SSBP4: variants seen among roughly 807,000 people sequenced by gnomAD.
The protein encoded by SSBP4 is single stranded DNA binding protein 4.
In SSBP4, 33 loss-of-function variants were observed where a neutral mutation model predicts 64.6. The observed-to-expected ratio is 0.51, with a 90% CI of 0.39 to 0.68. The LOEUF is 0.68. SSBP4 is among the 30% of genes least tolerant of loss of function. The probability of loss-of-function intolerance (pLI) is 0.00; values close to 1 mark genes in which losing one functional copy is unlikely to be tolerated. For missense variants in SSBP4, 583 were observed against 566.8 expected (o/e 1.03, Z -0.29); for synonymous variants, 243 against 224.0 (o/e 1.08, Z -0.76).
intron 4 of SSBP4, among the ~76,000 whole-genome samples, chr19:18,428,834 C>T (rs1296705896): frequency 6.6e-6 from 1 of 152,222 alleles, no homozygotes; most frequent in African/African-American, 2.4e-5. Context: ...TGCTGTTCAC[C>T]CCCATGGTGT....
the SSBP4 span, among the ~76,000 whole-genome samples, chr19:18,407,399 TATAGTA>T: frequency 3.3e-5 from 5 of 152,022 alleles, no homozygotes; most frequent in Non-Finnish European, 5.9e-5. Flanking sequence ...CCTTGTTAGT[TATAGTA>T]ATGTTTTTTT....
chr19:18,419,110 G>T (rs2144662191), upstream of SSBP4: 1 of 985,644 alleles, frequency 1.0e-6, no homozygotes. Flanking sequence ...AATGTGTGTG[G>T]CTGGGTGTAC....
rs1469850824 is a variant in SSBP4 at position 18,423,724 on chromosome 19, A to G, written c.60-3627A>G. ...TGCTCGCTCCAGGTCCAGGCGCCCCATGTCCTCCGAGTCTTGTGTTCCTTC... is the reference window on the plus strand; with the variant it reads ...TGCTCGCTCCAGGTCCAGGCGCCCCGTGTCCTCCGAGTCTTGTGTTCCTTC... On this transcript the variant is annotated intron_variant, in intron 1 of 17. Coordinates refer to ENST00000270061, the MANE Select transcript of SSBP4 (RefSeq NM_032627.5). This position sits in a 1 kb window ranked among gnomAD's most constrained non-coding sequence, Gnocchi z 4.0. Among the ~76,000 whole-genome samples, 1 of 152,032 alleles carries G rather than the reference A, an allele frequency of 6.6e-6. No homozygotes were observed. Among genetic ancestry groups the G allele is most frequent in the Non-Finnish European group, 1.5e-5 (1 of 67,988 alleles).
At chr19:18,433,404 T>C in intron 15 of SSBP4, 181 bp from the exon 16 acceptor site, 1 of 1,282,742 alleles carries the variant, frequency 7.8e-7, no homozygotes, top group Non-Finnish European at 1.1e-6. Flanking sequence ...GAGGATGCAC[T>C]GACCGCCCCT....
chr19:18,411,263 T>G, the SSBP4 span, among the ~76,000 whole-genome samples: 1 of 152,028 alleles, frequency 6.6e-6, no homozygotes, highest in African/African-American at 2.4e-5. Flanking sequence ...GATGCCAAAG[T>G]GGGCAGATCA....
the SSBP4 span, among the ~76,000 whole-genome samples, chr19:18,413,663 T>C: frequency 6.6e-6 from 1 of 152,180 alleles, no homozygotes; most frequent in South Asian, 2.1e-4. Context: ...GGGGAGGTCG[T>C]GGGAAATGAA....
At chr19:18,428,798 GC>G (rs1225663977) in intron 4 of SSBP4, among the ~76,000 whole-genome samples, 1 of 152,200 alleles carries the variant, frequency 6.6e-6, no homozygotes, top group Non-Finnish European at 1.5e-5. Context: ...TGAGAGCTGG[GC>G]AGGCTGAAGC....
Position 18,424,505 on chromosome 19 carries a change from C to T in SSBP4, c.60-2846C>T, listed in dbSNP as rs1044075039. Among the ~76,000 whole-genome samples, 15 of 151,682 alleles carry T rather than the reference C, an allele frequency of 9.9e-5. 1 individual carries two copies. Among genetic ancestry groups the T allele is most frequent in the African/African-American group, 3.1e-4 (13 of 41,272 alleles). ...ACTGGAGTCTCTGGGTGGAAGTGCCCCAGGCAGGGAAACAGTGCGCAGAGG... is the reference window on the plus strand; with the variant it reads ...ACTGGAGTCTCTGGGTGGAAGTGCCTCAGGCAGGGAAACAGTGCGCAGAGG... On this transcript the variant is annotated intron_variant, in intron 1 of 17. Coordinates refer to ENST00000270061, the MANE Select transcript of SSBP4 (RefSeq NM_032627.5).
rs1411044674 is a variant in SSBP4 at position 18,419,620 on chromosome 19, G to A, written c.-29G>A. 79 of 1,263,554 alleles carry A rather than the reference G, an allele frequency of 6.3e-5. No homozygotes were observed. The highest frequency in any genetic ancestry group is 7.6e-5 in the Non-Finnish European group (76 of 999,642). The allele number at this position is 1,263,554 out of a possible 1,614,324, so 78.3% of individuals were successfully genotyped here. On this transcript the variant is annotated 5_prime_UTR_variant, in exon 1 of 18. Coordinates refer to ENST00000270061, the MANE Select transcript of SSBP4 (RefSeq NM_032627.5). ...GCCCGCGGCGCCGCCTGACAGGTGT[G>A]GGCCCCGGCGGCGGCGGCGTGGAGC...
At chr19:18,421,780 T>C (rs796515694) in intron 1 of SSBP4, among the ~76,000 whole-genome samples, 14 of 152,276 alleles carry the variant, frequency 9.2e-5, no homozygotes, top group Admixed American at 8.5e-4. Context: ...AGAAGTGCGC[T>C]CTGGCTCCCA....
intron 4 of SSBP4, among the ~76,000 whole-genome samples, chr19:18,429,497 C>T (rs1973165985): frequency 6.6e-6 from 1 of 151,394 alleles, no homozygotes; most frequent in Admixed American, 6.6e-5. Context: ...GGAGCGTCCC[C>T]GACCAGGAAA....
At chr19:18,433,362 C>G (rs1272036392) in intron 15 of SSBP4, 149 bp downstream of exon 15, 3 of 1,283,436 alleles carry the variant, frequency 2.3e-6, no homozygotes, top group Non-Finnish European at 3.2e-6. Flanking sequence ...AGGGGCTGCC[C>G]CGAGCTGGAG....
rs199654239 is a variant in SSBP4 at position 18,432,987 on chromosome 19, A to G, written c.856A>G (p.Ser286Gly). 3 of 1,614,152 alleles carry G rather than the reference A, an allele frequency of 1.9e-6. No individual in the cohort carries two copies. Among genetic ancestry groups the G allele is most frequent in the Non-Finnish European group, 1.7e-6 (2 of 1,180,014 alleles). ...GTCTCCCCCAGATTCCACCAACTCC[A>G]GCGAAAACATGTACACTATCATGAA... ...MPSPGDSTNS[S>G]ENMYTIMNPI... Residue 286 changes from serine to glycine, a missense_variant, in exon 14 of 18, where the codon AGC becomes GGC. This residue lies in a region of SSBP4 where 444 missense variants were observed against 386.6 expected (regional missense o/e 1.15). Transcript: ENST00000270061.
the SSBP4 span, among the ~76,000 whole-genome samples, chr19:18,407,803 C>T: frequency 2.0e-5 from 3 of 152,170 alleles, no homozygotes; most frequent in Admixed American, 6.5e-5. Flanking sequence ...GGTGCAGTGG[C>T]GCAATCATGG....
chr19:18,419,340 C>CGCGGGCGGCGTAGAGGCA, upstream of SSBP4: 1 of 1,015,416 alleles, frequency 9.8e-7, no homozygotes, highest in South Asian at 4.6e-5. Flanking sequence ...GAGCTGCGCC[C>CGCGGGCGGCGTAGAGGCA]GCGGGCGGCG....
chr19:18,427,456 C>G lies in SSBP4; in HGVS notation c.132+33C>G. ...ACCACCTCCAGGCTGGCCCTCCCTC[C>G]TCACCCACACTCCGGGGGTCCTTCA... On this transcript the variant is annotated intron_variant, in intron 2 of 17. Coordinates refer to ENST00000270061, the MANE Select transcript of SSBP4 (RefSeq NM_032627.5). This position sits in a 1 kb window ranked among gnomAD's most constrained non-coding sequence, Gnocchi z 4.4. The G allele has an allele frequency of 6.2e-7, 1 of 1,602,124 alleles. No individual in the cohort carries two copies. Among genetic ancestry groups the G allele is most frequent in the Non-Finnish European group, 8.5e-7 (1 of 1,177,560 alleles).
chr19:18,431,780 A>G lies in SSBP4; in HGVS notation c.496-13A>G. The stretch of plus-strand genomic sequence containing the variant: ...AGCACCCCACACTCAGTGCCGCCGC[A>G]CCCCCTCCGCAGCCTCCCGCAGGCC... On this transcript the variant is annotated splice_polypyrimidine_tract_variant and intron_variant, in intron 7 of 17. Coordinates refer to ENST00000270061, the MANE Select transcript of SSBP4 (RefSeq NM_032627.5). 6.5e-7 allele frequency: 1 copy of G among 1,537,414 alleles called. No individual in the cohort carries two copies. The highest frequency in any genetic ancestry group is 2.5e-5 in the East Asian group (1 of 40,508).
At position 18,430,900 on chromosome 19, in the gene SSBP4, C is replaced by A; in HGVS notation, c.339C>A (p.Ala113=). ...MGSMAPGDTM[A]AGSMAAGFFQ... ...GTATGGCCCCAGGTGACACAATGGCCGCAGGCTCCATGGCGGCTGGCTTCT... is the reference window on the plus strand; with the variant it reads ...GTATGGCCCCAGGTGACACAATGGCAGCAGGCTCCATGGCGGCTGGCTTCT... The change falls in exon 5 of 18, where the codon GCC becomes GCA. Residue 113 remains alanine, a synonymous_variant. Transcript: ENST00000270061. 1.2e-6 allele frequency: 2 copies of A among 1,613,278 alleles called. No homozygotes were observed. The highest frequency in any genetic ancestry group is 1.7e-6 in the Non-Finnish European group (2 of 1,179,904).
In SSBP4 at chr19:18,434,266, C is replaced by G; in HGVS notation, c.*20C>G. The stretch of plus-strand genomic sequence containing the variant: ...GTGTGATGGGGCGGCAGCCCCGGGC[C>G]TCTCTGCGGGCCTAGGCTTCTGCCC... On this transcript the variant is annotated 3_prime_UTR_variant, in exon 18 of 18. Coordinates refer to ENST00000270061, the MANE Select transcript of SSBP4 (RefSeq NM_032627.5). The G allele has an allele frequency of 1.2e-6, 2 of 1,610,452 alleles. No homozygotes were observed. The highest frequency in any genetic ancestry group is 1.7e-6 in the Non-Finnish European group (2 of 1,178,920).
Sources: gnomAD v4.1 joint callset for allele counts (sites outside exome capture counted in the v4.1 genomes callset) on GRCh38, gnomAD v4.1.1 for gene constraint, gnomAD v4.1.1 regional missense constraint, Gnocchi (gnomAD v3.1) non-coding constraint, MANE v1.5 for transcripts, NCBI Gene and HGNC (gene_info 2026-07-23, HGNC 2026-07-21) for gene names.